The following TFAP2D variants were observed in gnomAD, a reference collection of about 807,000 sequenced individuals.
TFAP2D encodes transcription factor AP-2-delta.
Under a neutral mutation model 43.6 loss-of-function variants are expected in TFAP2D, and 9 were observed. The observed-to-expected ratio is 0.21, with a 90% CI of 0.12 to 0.36. The LOEUF is 0.36. TFAP2D is among the 10% of genes least tolerant of loss of function. The pLI is 1.00. For synonymous variants in TFAP2D, 256 were observed against 224.9 expected (o/e 1.14, Z -1.24); for missense variants, 513 against 561.4 (o/e 0.91, Z 0.87).
At chr6:50,717,774 A>C (rs1768651847) in intron 2 of TFAP2D, among the ~76,000 whole-genome samples, 1 of 152,242 alleles carries the variant, frequency 6.6e-6, no homozygotes, top group Non-Finnish European at 1.5e-5. Context: ...TTCTTGCTCC[A>C]AGTTGGCAGA....
chr6:50,738,385 T>C (rs1355235360), intron 5 of TFAP2D, among the ~76,000 whole-genome samples: 1 of 152,090 alleles, frequency 6.6e-6, no homozygotes, highest in Non-Finnish European at 1.5e-5. Context: ...AGAACTTTTT[T>C]ACATTAATAT....
intron 7 of TFAP2D, among the ~76,000 whole-genome samples, chr6:50,759,343 C>T (rs1460399620): frequency 6.6e-6 from 1 of 151,900 alleles, no homozygotes; most frequent in Non-Finnish European, 1.5e-5. Flanking sequence ...GCATTGCACC[C>T]GTGTGACCTC....
At chr6:50,718,303 C>T (rs1768660089) in intron 2 of TFAP2D, 1 of 152,018 alleles carries the variant, frequency 6.6e-6, no homozygotes, top group African/African-American at 2.4e-5. Flanking sequence ...TATTATGCAC[C>T]GACTCTCTCC....
chr6:50,760,052 T>C (rs1427888703), intron 7 of TFAP2D, among the ~76,000 whole-genome samples: 3 of 152,050 alleles, frequency 2.0e-5, no homozygotes, highest in Non-Finnish European at 4.4e-5. Flanking sequence ...ATTATACCTA[T>C]CTTGAAGTAT....
At chr6:50,767,930 T>C (rs542857720) in intron 7 of TFAP2D, among the ~76,000 whole-genome samples, 1 of 152,348 alleles carries the variant, frequency 6.6e-6, no homozygotes, top group Admixed American at 6.5e-5. Context: ...ATGCAAGTTG[T>C]CTCCAGGGCC....
chr6:50,719,222 G>T, intron 3 of TFAP2D, 72 bp downstream of exon 3: 1 of 1,477,398 alleles, frequency 6.8e-7, no homozygotes, highest in South Asian at 1.2e-5. Flanking sequence ...AGAAGATCTG[G>T]TTGTGCTCAG....
At chr6:50,740,911 A>G (rs9473905) in intron 5 of TFAP2D, among the ~76,000 whole-genome samples, 2,951 of 152,280 alleles carry the variant, frequency 0.019, 100 homozygotes, top group African/African-American at 0.067. Flanking sequence ...AGCAACATCA[A>G]TGAATGTCAC....
chr6:50,766,516 G>A (rs72876531), intron 7 of TFAP2D, among the ~76,000 whole-genome samples: 3 of 151,934 alleles, frequency 2.0e-5, no homozygotes, highest in East Asian at 3.9e-4. Context: ...CCATTCATTC[G>A]TGCCTTCTTT....
In TFAP2D at chr6:50,713,994, T is replaced by C. The variant is rs60537409; in HGVS notation, c.-62T>C. Reference sequence around the variant, plus strand: ...TGGAAAATACAAGAAGTTTGGATTTTTTTTTCCCGATTCTTTTTTTGGAGG... The same window carrying C: ...TGGAAAATACAAGAAGTTTGGATTTCTTTTTCCCGATTCTTTTTTTGGAGG... On this transcript the variant is annotated 5_prime_UTR_variant, in exon 1 of 8. Coordinates refer to ENST00000008391, the MANE Select transcript of TFAP2D (RefSeq NM_172238.4). 3.1e-5 allele frequency: 50 copies of C among 1,606,312 alleles called. 1 individual carries two copies. The East Asian group carries it at 1.1e-3, about 36-fold the overall frequency.
intron 6 of TFAP2D, among the ~76,000 whole-genome samples, chr6:50,749,138 G>A (rs1769164719): frequency 6.6e-6 from 1 of 151,772 alleles, no homozygotes; most frequent in South Asian, 2.1e-4. Flanking sequence ...GCTTGAAAGT[G>A]AGTGAGTTAA....
chr6:50,731,979 ATGTTTG>A lies in TFAP2D; in HGVS notation c.883+2669_883+2674del, dbSNP rs1768901552. On this transcript the variant is annotated intron_variant, in intron 5 of 7. Transcript: ENST00000008391. ...GGCAACTTGATCCAACATGGGTCTA[ATGTTTG>A]TTCCATTTCTACAGTTTTACTCCTG... is the stretch of plus-strand genomic sequence containing the variant. Among the ~76,000 whole-genome samples, 3 of 152,146 alleles carry A rather than the reference ATGTTTG, an allele frequency of 2.0e-5. No individual in the cohort carries two copies. The East Asian group carries it at 5.8e-4, about 29-fold the overall frequency.
At chr6:50,718,684 C>G (rs1263563330) in intron 2 of TFAP2D, among the ~76,000 whole-genome samples, 2 of 152,132 alleles carry the variant, frequency 1.3e-5, no homozygotes, top group Non-Finnish European at 2.9e-5. Flanking sequence ...TCCTCTGTGT[C>G]CTCAAGAAAC....
At chr6:50,733,986 ATGTGTGTGTGTGTG>A (rs34213110) in intron 5 of TFAP2D, among the ~76,000 whole-genome samples, 2 of 141,592 alleles carry the variant, frequency 1.4e-5, no homozygotes, top group Non-Finnish European at 3.2e-5. Context: ...CTTTCTGTGT[ATGTGTGTGTGTGTG>A]TGTGTGTGTG....
At chr6:50,765,487 T>C (rs1345329272) in intron 7 of TFAP2D, among the ~76,000 whole-genome samples, 1 of 152,092 alleles carries the variant, frequency 6.6e-6, no homozygotes, top group Admixed American at 6.5e-5. Context: ...CCACCAACAG[T>C]GTGCAGGGTT....
intron 7 of TFAP2D, among the ~76,000 whole-genome samples, chr6:50,760,415 A>C (rs9349555): frequency 0.3 from 46,159 of 151,840 alleles, 7,192 homozygotes; most frequent in East Asian, 0.43. Flanking sequence ...GGGGTGGGAC[A>C]CATACATTAC....
At chr6:50,729,992 T>C (rs940708069) in intron 5 of TFAP2D, among the ~76,000 whole-genome samples, 1 of 152,194 alleles carries the variant, frequency 6.6e-6, no homozygotes, top group African/African-American at 2.4e-5. Context: ...GGAGAGTTAT[T>C]ATTGAAAGGC....
chr6:50,757,325 G>T (rs1209368303), intron 7 of TFAP2D, among the ~76,000 whole-genome samples: 1 of 135,344 alleles, frequency 7.4e-6, no homozygotes, highest in South Asian at 2.3e-4. Flanking sequence ...ATTCTCTATA[G>T]ATATATATAT....
At chr6:50,747,520 C>T (rs958348075) in intron 6 of TFAP2D, among the ~76,000 whole-genome samples, 1 of 152,014 alleles carries the variant, frequency 6.6e-6, no homozygotes, top group Non-Finnish European at 1.5e-5. Context: ...ATTCAAAGAC[C>T]TTCACTCCTT....
intron 1 of TFAP2D, 65 bp from the exon 2 acceptor site, chr6:50,715,051 G>T (rs941033167): frequency 1.3e-6 from 2 of 1,559,234 alleles, no homozygotes; most frequent in Non-Finnish European, 8.7e-7. Context: ...GGAGAGCGGC[G>T]CCTTGGTTGC....
Sources: allele counts gnomAD v4.1 joint callset (sites outside exome capture counted in the v4.1 genomes callset), GRCh38; gene constraint gnomAD v4.1.1; transcripts MANE v1.5; gene names NCBI Gene and HGNC (gene_info 2026-07-23, HGNC 2026-07-21).